The following LY75 variants were observed in gnomAD, a reference collection of about 807,000 sequenced individuals.
The protein encoded by LY75 is lymphocyte antigen 75, also known as C-type lectin domain family 13 member B.
In LY75, 185 loss-of-function variants were observed where a neutral mutation model predicts 231.7. That is an observed-to-expected ratio of 0.80 (90% confidence interval 0.71 to 0.90). The LOEUF is 0.90. Ranked by LOEUF, LY75 falls within the 40% of genes least tolerant of loss-of-function variation. The pLI, the probability that LY75 is intolerant of heterozygous loss-of-function variation, is 0.00. For synonymous variants in LY75, 668 were observed against 689.0 expected (o/e 0.97, Z 0.48); for missense variants, 1,947 against 2,050.2 (o/e 0.95, Z 0.97).
chr2:159,890,360 T>G lies in LY75; in HGVS notation c.655A>C (p.Asn219His). ...CCAAACTGCTCGTTCTTTTCCCAAT[T>G]ATCTTCACAACCGTTTTCTGTTGAT... ...CLKPENGCED[N>H]WEKNEQFGSC... Residue 219 changes from asparagine to histidine, a missense_variant, in exon 4 of 35, where the codon AAT becomes CAT. By Grantham distance (68) the Asn-to-His change is moderately conservative. Coordinates refer to ENST00000263636, the MANE Select transcript of LY75 (RefSeq NM_002349.4). 6.2e-7 allele frequency: 1 copy of G among 1,613,202 alleles called. No homozygotes were observed.
Position 159,860,812 on chromosome 2 carries a change from T to C in LY75, c.2268+9A>G. 1 of 1,613,864 alleles carries C rather than the reference T, an allele frequency of 6.2e-7. No individual in the cohort carries two copies. The highest frequency in any genetic ancestry group is 8.5e-7 in the Non-Finnish European group (1 of 1,179,826). On this transcript the variant is annotated intron_variant, in intron 15 of 34. Coordinates refer to ENST00000263636, the MANE Select transcript of LY75 (RefSeq NM_002349.4). Reference sequence around the variant, plus strand: ...TTTAAATATGCAGATTTTCCAGCATTGTACTGACCTTGACAGCAGCACAGT... The same window carrying C: ...TTTAAATATGCAGATTTTCCAGCATCGTACTGACCTTGACAGCAGCACAGT...
chr2:159,850,772 T>C (rs1260350885), intron 21 of LY75, among the ~76,000 whole-genome samples: 1 of 28,576 alleles, frequency 3.5e-5, no homozygotes, highest in Non-Finnish European at 6.4e-5. Context: ...CTTCAAACTT[T>C]CATATATATA....
intron 31 of LY75, among the ~76,000 whole-genome samples, chr2:159,815,138 C>T (rs1683082587): frequency 6.6e-6 from 1 of 151,924 alleles, no homozygotes; most frequent in South Asian, 2.1e-4. Context: ...CTAGCTGGGA[C>T]TACAGGCGCC....
intron 28 of LY75, among the ~76,000 whole-genome samples, chr2:159,828,767 GATAAATAAAATGTAT>G (rs1204545693): frequency 6.6e-6 from 1 of 152,096 alleles, no homozygotes; most frequent in Non-Finnish European, 1.5e-5. Context: ...GTGATACATG[GATAAATAAAATGTAT>G]TATATCCATA....
chr2:159,807,006 C>G lies in LY75; in HGVS notation c.4957G>C (p.Gly1653Arg), dbSNP rs1407002735. The change falls in exon 34 of 35, where the codon GGT becomes CGT. Residue 1653 changes from glycine (G) to arginine (R), a missense_variant. Coordinates refer to ENST00000263636, the MANE Select transcript of LY75 (RefSeq NM_002349.4). ...ETWKKVECEH[G>R]FGRVVCKVPL... The stretch of plus-strand genomic sequence containing the variant: ...ACTTTGCAGACAACTCTTCCAAAAC[C>G]ATGTTCACATTCAACTTTTTTCCAA... The G allele has an allele frequency of 6.2e-7, 1 of 1,613,726 alleles. No individual in the cohort carries two copies. Among genetic ancestry groups the G allele is most frequent in the Admixed American group, 1.7e-5 (1 of 59,988 alleles).
chr2:159,817,119 G>A lies in LY75; in HGVS notation c.4154-87C>T, dbSNP rs186728746. ...GAGACAACATGCAATCATTTCAAAAGTTAAATAAAACTGGGTTTCTTATTA... is the reference window on the plus strand; with the variant it reads ...GAGACAACATGCAATCATTTCAAAAATTAAATAAAACTGGGTTTCTTATTA... On this transcript the variant is annotated intron_variant, in intron 29 of 34. Transcript: ENST00000263636. The A allele has an allele frequency of 7.0e-3, 9,507 of 1,355,524 alleles. 64 individuals carry two copies. The highest frequency in any genetic ancestry group is 0.019 in the South Asian group (1,191 of 61,386). The allele number at this position is 1,355,524 out of a possible 1,614,324, so 84.0% of individuals were successfully genotyped here.
Position 159,853,193 on chromosome 2 carries a change from A to G in LY75, c.2743+80T>C, listed in dbSNP as rs1422615282. Reference sequence around the variant, plus strand: ...AATTACCAAACATATAATTAAAAGGAAAACAAGATTAAGCTAGAAACTGAA... The same window carrying G: ...AATTACCAAACATATAATTAAAAGGGAAACAAGATTAAGCTAGAAACTGAA... On this transcript the variant is annotated intron_variant, in intron 20 of 34. Transcript: ENST00000263636. 2.1e-6 allele frequency: 3 copies of G among 1,421,760 alleles called. No homozygotes were observed. In the African/African-American group the frequency reaches 4.3e-5, roughly 20 times the overall value. 88.1% of individuals were successfully genotyped at this position (1,421,760 alleles called of 1,614,324 possible).
intron 4 of LY75, among the ~76,000 whole-genome samples, chr2:159,888,705 C>A (rs934849535): frequency 2.6e-5 from 4 of 152,124 alleles, no homozygotes; most frequent in African/African-American, 9.7e-5. Context: ...TGAAAAACAA[C>A]CCATGAGACC....
At chr2:159,819,445 G>GA (rs1419776173) in intron 29 of LY75, among the ~76,000 whole-genome samples, 2 of 150,792 alleles carry the variant, frequency 1.3e-5, no homozygotes, top group African/African-American at 4.9e-5. Context: ...TATCGGTTTT[G>GA]ACTTCCCCAC....
chr2:159,903,607 T>C (rs2125889278), intron 1 of LY75: 1 of 152,326 alleles, frequency 6.6e-6, no homozygotes, highest in Non-Finnish European at 1.5e-5. Context: ...TTAGCTTAGC[T>C]GCAAAGAAAA....
intron 27 of LY75, among the ~76,000 whole-genome samples, chr2:159,833,621 C>G (rs892755237): frequency 1.3e-5 from 2 of 152,174 alleles, no homozygotes; most frequent in East Asian, 3.9e-4. Flanking sequence ...ATTTATAACA[C>G]AGGAAATATT....
At chr2:159,809,097 G>T (rs1408877817) in intron 32 of LY75, among the ~76,000 whole-genome samples, 2 of 152,148 alleles carry the variant, frequency 1.3e-5, no homozygotes, top group African/African-American at 4.8e-5. Flanking sequence ...AAAACCGAAT[G>T]GTTCCCACAC....
At position 159,881,341 on chromosome 2, in the gene LY75, G is replaced by C. The variant is rs905049331; in HGVS notation, c.1247-101C>G. ...TATATTCTGATATGGAGTTTTAAGA[G>C]CCTTTGTAGTATTCTTAATTCGGTT... On this transcript the variant is annotated intron_variant, in intron 7 of 34. Transcript: ENST00000263636. 9 of 1,270,482 alleles carry C rather than the reference G, an allele frequency of 7.1e-6. No homozygotes were observed. In the African/African-American group the frequency reaches 1.3e-4, roughly 19 times the overall value. The allele number at this position is 1,270,482 out of a possible 1,614,324, so 78.7% of individuals were successfully genotyped here.
At chr2:159,892,479 T>C (rs1685788736) in intron 3 of LY75, among the ~76,000 whole-genome samples, 1 of 152,206 alleles carries the variant, frequency 6.6e-6, no homozygotes, top group South Asian at 2.1e-4. Context: ...GTATGGTACC[T>C]TTCAGGGTTG....
At chr2:159,848,161 T>G (rs1684272450) in intron 23 of LY75, among the ~76,000 whole-genome samples, 1 of 110,024 alleles carries the variant, frequency 9.1e-6, no homozygotes, top group African/African-American at 5.8e-5. Flanking sequence ...GGTGTGTGTG[T>G]GTGTGTATAT....
intron 3 of LY75, among the ~76,000 whole-genome samples, chr2:159,890,951 A>G (rs1457802184): frequency 6.6e-6 from 1 of 152,200 alleles, no homozygotes; most frequent in Non-Finnish European, 1.5e-5. Flanking sequence ...GTGTGTATAT[A>G]TGTGCATAGA....
intron 25 of LY75, among the ~76,000 whole-genome samples, chr2:159,840,129 T>A (rs1170993909): frequency 6.6e-6 from 1 of 152,044 alleles, no homozygotes; most frequent in African/African-American, 2.4e-5. Flanking sequence ...GCTGAAGAGA[T>A]ATGGCAGCTC....
chr2:159,815,844 A>G (rs1444305013), intron 30 of LY75, among the ~76,000 whole-genome samples: 3 of 152,174 alleles, frequency 2.0e-5, no homozygotes, highest in Admixed American at 2.0e-4. Flanking sequence ...GGATGAGTTT[A>G]TGTGACACTC....
chr2:159,873,310 T>C (rs1685074610), intron 12 of LY75, among the ~76,000 whole-genome samples: 1 of 152,166 alleles, frequency 6.6e-6, no homozygotes, highest in African/African-American at 2.4e-5. Flanking sequence ...GGAGTATACG[T>C]CTTTGTACCT....
Sources: allele counts gnomAD v4.1 joint callset (sites outside exome capture counted in the v4.1 genomes callset), GRCh38; gene constraint gnomAD v4.1.1; transcripts MANE v1.5; gene names NCBI Gene and HGNC (gene_info 2026-07-23, HGNC 2026-07-21).